The following OPRK1 variants were observed in gnomAD, a reference collection of about 807,000 sequenced individuals.
The protein encoded by OPRK1 is opioid receptor kappa 1.
OPRK1 carries 15 observed loss-of-function variants against 24.5 expected under a neutral mutation model. The observed-to-expected ratio is 0.61, with a 90% CI of 0.41 to 0.94. The LOEUF (loss-of-function observed/expected upper bound fraction) is 0.94, where lower values mean the gene tolerates loss of function less well. OPRK1 is among the 40% of genes least tolerant of loss of function. OPRK1 has a pLI of 0.00. For missense variants in OPRK1, 479 were observed against 507.3 expected (o/e 0.94, Z 0.54); for synonymous variants, 205 against 198.0 (o/e 1.04, Z -0.30).
rs762998089 is a variant in OPRK1 at position 53,227,176 on chromosome 8, T to G, written c.*2121A>C. On this transcript the variant is annotated 3_prime_UTR_variant, in exon 4 of 4. Coordinates refer to ENST00000265572, the MANE Select transcript of OPRK1 (RefSeq NM_000912.5). ...AGGAGGCAGAGGCAGGAGAATCGCT[T>G]GAACCCAGGAGGTGGAGGTTGCAGT... 4 of 150,782 alleles carry G rather than the reference T, an allele frequency of 2.7e-5. No homozygotes were observed. The highest frequency in any genetic ancestry group is 1.3e-4 in the Admixed American group (2 of 15,004). 9.3% of individuals were successfully genotyped at this position (150,782 alleles called of 1,614,324 possible).
rs1304383281 is a variant in OPRK1 at position 53,229,393 on chromosome 8, C to T, written c.1047G>A (p.Lys349=). The part of the protein sequence containing the change: ...RCFRDFCFPL[K]MRMERQSTSR... Reference sequence around the variant, plus strand: ...TAGTGCTCTGCCGCTCCATCCTCATCTTCAGTGGAAAGCAGAAGTCCCGGA... The same window carrying T: ...TAGTGCTCTGCCGCTCCATCCTCATTTTCAGTGGAAAGCAGAAGTCCCGGA... The change falls in exon 4 of 4, where the codon AAG becomes AAA. Residue 349 remains lysine, a synonymous_variant. Transcript: ENST00000265572. 2 of 1,614,096 alleles carry T rather than the reference C, an allele frequency of 1.2e-6. No homozygotes were observed. The highest frequency in any genetic ancestry group is 3.3e-5 in the Admixed American group (2 of 60,012).
chr8:53,239,868 G>C (rs958170), intron 2 of OPRK1, among the ~76,000 whole-genome samples: 1 of 152,272 alleles, frequency 6.6e-6, no homozygotes, highest in Admixed American at 6.5e-5. Flanking sequence ...AAACGTCTTA[G>C]AAATACTCTC....
At chr8:53,235,687 T>A (rs1806974146) in intron 2 of OPRK1, among the ~76,000 whole-genome samples, 1 of 152,236 alleles carries the variant, frequency 6.6e-6, no homozygotes, top group African/African-American at 2.4e-5. Flanking sequence ...ATATATTATA[T>A]AAATAAAGCA....
At chr8:53,243,707 A>C (rs772668242) in intron 2 of OPRK1, among the ~76,000 whole-genome samples, 22 of 152,252 alleles carry the variant, frequency 1.4e-4, no homozygotes, top group Non-Finnish European at 2.9e-4. Flanking sequence ...TTACTTTGAG[A>C]AATGAAAGAT....
intron 3 of OPRK1, among the ~76,000 whole-genome samples, chr8:53,234,434 G>C (rs1482733526): frequency 1.3e-5 from 2 of 152,102 alleles, no homozygotes; most frequent in African/African-American, 2.4e-5. Flanking sequence ...GGTGTGTCCT[G>C]GACTTGCCAG....
chr8:53,237,606 A>T (rs1807024699), intron 2 of OPRK1, among the ~76,000 whole-genome samples: 1 of 152,194 alleles, frequency 6.6e-6, no homozygotes, highest in Non-Finnish European at 1.5e-5. Flanking sequence ...AGATGAAGTG[A>T]CTAAGAATCA....
At chr8:53,243,932 G>A (rs1807172926) in intron 2 of OPRK1, among the ~76,000 whole-genome samples, 1 of 152,090 alleles carries the variant, frequency 6.6e-6, no homozygotes, top group Admixed American at 6.5e-5. Flanking sequence ...TAATGCCTCT[G>A]TATGTGTGAT....
chr8:53,237,059 C>T (rs1484873880), intron 2 of OPRK1, among the ~76,000 whole-genome samples: 1 of 152,088 alleles, frequency 6.6e-6, no homozygotes, highest in Non-Finnish European at 1.5e-5. Flanking sequence ...TCATAGAGTT[C>T]CAGGGGTAAT....
At position 53,250,877 on chromosome 8, in the gene OPRK1, A is replaced by T. The variant is rs776043300; in HGVS notation, c.161T>A (p.Ile54Asn). 14 of 1,612,938 alleles carry T rather than the reference A, an allele frequency of 8.7e-6. No homozygotes were observed. Among genetic ancestry groups the T allele is most frequent in the Admixed American group, 1.7e-5 (1 of 59,976 alleles). Residue 54 changes from isoleucine to asparagine, a missense_variant, in exon 2 of 4, where the codon ATC becomes AAC. Transcript: ENST00000265572. The stretch of plus-strand genomic sequence containing the variant: ...GATGATGACCGGGATGGCCGGGGAG[A>T]TGTGCGCGGGCTCCAGCTGCGCGTC... ...SEDAQLEPAH[I>N]SPAIPVIITA...
At chr8:53,233,520 A>G (rs1806905782) in intron 3 of OPRK1, among the ~76,000 whole-genome samples, 1 of 152,178 alleles carries the variant, frequency 6.6e-6, no homozygotes, top group Non-Finnish European at 1.5e-5. Flanking sequence ...ATATACACTC[A>G]GTTATCTGCT....
chr8:53,247,990 C>CA (rs767911838), intron 2 of OPRK1, among the ~76,000 whole-genome samples: 3,164 of 32,302 alleles, frequency 0.098, 627 homozygotes, highest in Admixed American at 0.18. Context: ...GATTCTGTCT[C>CA]AAAAAAAAAA....
Position 53,226,275 on chromosome 8 carries a change from C to G in OPRK1, c.*3022G>C, listed in dbSNP as rs954121140. The G allele has an allele frequency of 2.0e-5, 3 of 152,064 alleles. No homozygotes were observed. Among genetic ancestry groups the G allele is most frequent in the African/African-American group, 7.2e-5 (3 of 41,400 alleles). 9.4% of individuals were successfully genotyped at this position (152,064 alleles called of 1,614,324 possible). A position where few individuals can be genotyped will look rare whatever the true frequency, so the allele number is the denominator to read the frequency against. ...AGTTTTGACTTAAACTCGAAGGATG[C>G]TCTTAGATTGGTAACTACTCTGAGA... On this transcript the variant is annotated 3_prime_UTR_variant, in exon 4 of 4. Transcript: ENST00000265572.
At chr8:53,239,242 A>T (rs1439866151) in intron 2 of OPRK1, among the ~76,000 whole-genome samples, 2 of 152,192 alleles carry the variant, frequency 1.3e-5, no homozygotes, top group African/African-American at 4.8e-5. Context: ...GACTTTGAGG[A>T]TGACTGAAAA....
intron 2 of OPRK1, among the ~76,000 whole-genome samples, chr8:53,239,357 A>G (rs1807064768): frequency 6.6e-6 from 1 of 152,236 alleles, no homozygotes. Context: ...GTAGTGAGGA[A>G]ATCAGCACAT....
At chr8:53,238,499 G>A in intron 2 of OPRK1, 2 of 978,324 alleles carry the variant, frequency 2.0e-6, no homozygotes, top group Non-Finnish European at 2.4e-6. Flanking sequence ...CAAGGGGCAG[G>A]CCGGGAAAGA....
In OPRK1 at chr8:53,251,129, T is replaced by C. The variant is rs944158737; in HGVS notation, c.-48-44A>G. 9.9e-6 allele frequency: 14 copies of C among 1,407,236 alleles called. No individual in the cohort carries two copies. The African/African-American group carries it at 2.0e-4, about 20-fold the overall frequency. The allele number at this position is 1,407,236 out of a possible 1,614,324, so 87.2% of individuals were successfully genotyped here. On this transcript the variant is annotated intron_variant, in intron 1 of 3. Coordinates refer to ENST00000265572, the MANE Select transcript of OPRK1 (RefSeq NM_000912.5). ...CGGCTGGACGCGGAGAGGCAAACTT[T>C]GCCCGCGCCCTGGCCAGCGGCGCTG... is the stretch of plus-strand genomic sequence containing the variant.
At position 53,250,967 on chromosome 8, in the gene OPRK1, G is replaced by C. The variant is rs199919204; in HGVS notation, c.71C>G (p.Pro24Arg). The C allele has an allele frequency of 5.2e-5, 84 of 1,606,982 alleles. 1 individual carries two copies. The highest frequency in any genetic ancestry group is 2.0e-4 in the East Asian group (9 of 44,642). The change falls in exon 2 of 4, where the codon CCC becomes CGC. Residue 24 changes from proline (P) to arginine (R), a missense_variant. Physicochemically the swap from Pro to Arg is moderately radical, Grantham distance 103. Coordinates refer to ENST00000265572, the MANE Select transcript of OPRK1 (RefSeq NM_000912.5). ...GCCGGGAAACCAGGCGCTGCTGTTG[G>C]GGGGCAGGCAGGCGCTCGGGGCGCA... Reference protein sequence around the residue: ...PTCAPSACLPPNSSAWFPGWA... With the variant: ...PTCAPSACLPRNSSAWFPGWA...
intron 3 of OPRK1, among the ~76,000 whole-genome samples, chr8:53,234,550 C>T (rs947275764): frequency 2.0e-5 from 3 of 152,180 alleles, no homozygotes; most frequent in African/African-American, 7.2e-5. Context: ...CATCTCTCTT[C>T]TGGCAATGTC....
intron 2 of OPRK1, among the ~76,000 whole-genome samples, chr8:53,250,579 T>C (rs953443731): frequency 1.3e-5 from 2 of 152,120 alleles, no homozygotes; most frequent in Admixed American, 6.5e-5. Flanking sequence ...TTCGCCTGTG[T>C]GAACCTCTCA....
Sources: allele counts gnomAD v4.1 joint callset (sites outside exome capture counted in the v4.1 genomes callset), GRCh38; gene constraint gnomAD v4.1.1; transcripts MANE v1.5; gene names NCBI Gene and HGNC (gene_info 2026-07-23, HGNC 2026-07-21).